The following ARHGEF10 variants were observed in gnomAD, a reference collection of about 807,000 sequenced individuals.
ARHGEF10 encodes the protein Rho guanine nucleotide exchange factor (GEF) 10.
Under a neutral mutation model 147.4 loss-of-function variants are expected in ARHGEF10, and 140 were observed. The ratio of observed to expected loss-of-function variants is 0.95; its 90% CI spans 0.83 to 1.09. ARHGEF10 has a LOEUF of 1.09. Among genes scored for constraint, ARHGEF10 ranks in the 50% least tolerant of loss-of-function variants. The pLI is 0.00. For synonymous variants in ARHGEF10, 902 were observed against 695.8 expected, an observed-to-expected ratio of 1.30 and a Z score of -4.67; for missense variants, 2,222 against 1,752.7, an observed-to-expected ratio of 1.27 and a Z score of -4.78.
intron 7 of ARHGEF10, 59 bp from the exon 8 acceptor site, chr8:1,876,512 C>G (rs1348524880): frequency 3.9e-6 from 6 of 1,555,582 alleles, no homozygotes; most frequent in Non-Finnish European, 5.3e-6. Flanking sequence ...CAAACAGGCA[C>G]AAAACAGCCC....
intron 7 of ARHGEF10, chr8:1,869,708 C>T (rs1806928175): frequency 3.7e-6 from 1 of 269,946 alleles, no homozygotes; most frequent in South Asian, 3.9e-5. Context: ...TTGATCCATA[C>T]CTAGGCCGAT....
chr8:1,912,290 C>T (rs1811418997), intron 18 of ARHGEF10, among the ~76,000 whole-genome samples: 2 of 150,892 alleles, frequency 1.3e-5, no homozygotes, highest in Non-Finnish European at 3.0e-5. Flanking sequence ...GGAAGCTCGC[C>T]GTCCCTGCAA....
In ARHGEF10 at chr8:1,833,712, C is replaced by T. The variant is rs79098166; in HGVS notation, c.-48+9599C>T. On this transcript the variant is annotated intron_variant, in intron 1 of 28. Transcript: ENST00000349830. ...CCCTCATGCCCGGCCCAGCTTGTTT[C>T]CTGAACCCTTTCCAGCAAGCATCTC... 8.4e-3 allele frequency among the ~76,000 whole-genome samples: 1,283 copies of T among 152,336 alleles called. 56 individuals are homozygous for T. The East Asian group carries it at 0.14, about 16-fold the overall frequency.
chr8:1,852,167 A>G (rs1215845011), intron 2 of ARHGEF10, among the ~76,000 whole-genome samples: 1 of 152,204 alleles, frequency 6.6e-6, no homozygotes, highest in Non-Finnish European at 1.5e-5. Context: ...CCCAAGTGCA[A>G]TAGCCATGTG....
In ARHGEF10 at chr8:1,958,556, C is replaced by T. The variant is rs570904546; in HGVS notation, c.*1293C>T. On this transcript the variant is annotated 3_prime_UTR_variant, in exon 29 of 29. Transcript: ENST00000349830. ...TATGTTCTAGGTTGCATATATCCCC[C>T]ATGTGAAAGTGATTTCTTCCCAAGC... is the stretch of plus-strand genomic sequence containing the variant. The T allele has an allele frequency of 6.6e-6, 1 of 152,340 alleles. No individual in the cohort carries two copies. The highest frequency in any genetic ancestry group is 1.9e-4 in the East Asian group (1 of 5,186). The allele number at this position is 152,340 out of a possible 1,614,324, so 9.4% of individuals were successfully genotyped here.
At chr8:1,876,415 C>T (rs547388095) in intron 7 of ARHGEF10, 156 bp from the exon 8 acceptor site, 2 of 781,696 alleles carry the variant, frequency 2.6e-6, no homozygotes, top group Non-Finnish European at 2.2e-6. Context: ...ACGGTGCCTT[C>T]CATGGAGCAA....
At chr8:1,913,376 A>T (rs1244026129) in intron 18 of ARHGEF10, among the ~76,000 whole-genome samples, 1 of 152,234 alleles carries the variant, frequency 6.6e-6, no homozygotes, top group Non-Finnish European at 1.5e-5. Flanking sequence ...GTTTAGAGAA[A>T]TGTGAGTACA....
At chr8:1,874,304 G>C (rs570670128) in intron 7 of ARHGEF10, among the ~76,000 whole-genome samples, 1 of 152,130 alleles carries the variant, frequency 6.6e-6, no homozygotes, top group Non-Finnish European at 1.5e-5. Flanking sequence ...CTAAGTAAAG[G>C]CGTCCAAACG....
chr8:1,911,969 T>C (rs193297170), intron 18 of ARHGEF10, among the ~76,000 whole-genome samples: 1 of 152,238 alleles, frequency 6.6e-6, no homozygotes, highest in African/African-American at 2.4e-5. Context: ...GAAATTCTCA[T>C]TCTCAGTCGA....
chr8:1,826,737 C>T (rs1229178634), intron 1 of ARHGEF10, among the ~76,000 whole-genome samples: 1 of 152,204 alleles, frequency 6.6e-6, no homozygotes, highest in East Asian at 1.9e-4. Context: ...GTAGGCCCGT[C>T]ATTGTTTACT....
At chr8:1,939,556 A>G (rs1813909387) in intron 26 of ARHGEF10, among the ~76,000 whole-genome samples, 2 of 152,242 alleles carry the variant, frequency 1.3e-5, no homozygotes, top group Admixed American at 6.5e-5. Flanking sequence ...CGGCAGCAGC[A>G]AAGCGTCAAG....
intron 11 of ARHGEF10, among the ~76,000 whole-genome samples, chr8:1,889,745 TTGAGTGGGATGAGGGTTGTGAGGAGACAC>T (rs374393942): frequency 0.015 from 750 of 51,688 alleles, 95 homozygotes; most frequent in African/African-American, 0.054. Flanking sequence ...CGAGGAGACA[TTGAGTGGGATGAGGGTTGTGAGGAGACAC>T]TGAGTGGGGT....
At position 1,890,245 on chromosome 8, in the gene ARHGEF10, G is replaced by A. The variant is rs73542932; in HGVS notation, c.1183-3324G>A. 2.3e-3 allele frequency among the ~76,000 whole-genome samples: 296 copies of A among 130,952 alleles called. 1 individual carries two copies. The highest frequency in any genetic ancestry group is 5.8e-3 in the African/African-American group (195 of 33,626). 85.9% of individuals were successfully genotyped at this position (130,952 alleles called of 152,430 possible). A position where few individuals can be genotyped will look rare whatever the true frequency, so the allele number is the denominator to read the frequency against. ...GAGTGGGGTGAGGGTTTGTGAGGAG[G>A]CACTGAGGGTTGTGGATTGTGAGGA... On this transcript the variant is annotated intron_variant, in intron 11 of 28. Coordinates refer to ENST00000349830, the MANE Select transcript of ARHGEF10 (RefSeq NM_014629.4).
rs774853645 is a variant in ARHGEF10 at position 1,885,606 on chromosome 8, A to T, written c.1081A>T (p.Arg361Ter). ...ATTTTGACTTTTTTTTTAAGATCACAGATCTTCTCTTGAGGAAGAACAGAA... is the reference window on the plus strand; with the variant it reads ...ATTTTGACTTTTTTTTTAAGATCACTGATCTTCTCTTGAGGAAGAACAGAA... ...RTKSLIAQDH[R>*]SSLEEEQNLF... The change falls in exon 11 of 29, where the codon AGA (arginine) becomes TGA (stop). Residue 361 changes from arginine (R) to a stop codon, truncating the protein, a stop_gained. Coordinates refer to ENST00000349830, the MANE Select transcript of ARHGEF10 (RefSeq NM_014629.4). LOFTEE classifies it high-confidence loss of function. 2.0e-5 allele frequency: 32 copies of T among 1,610,898 alleles called. No homozygotes were observed. In the South Asian group the frequency reaches 3.4e-4, roughly 17 times the overall value.
At chr8:1,912,762 A>G (rs188422615) in intron 18 of ARHGEF10, among the ~76,000 whole-genome samples, 2 of 152,102 alleles carry the variant, frequency 1.3e-5, no homozygotes, top group East Asian at 1.9e-4. Context: ...CTATGGATCC[A>G]TGGATTGGTT....
chr8:1,893,700 T>C, intron 12 of ARHGEF10, 54 bp downstream of exon 12: 2 of 1,343,510 alleles, frequency 1.5e-6, no homozygotes, highest in Non-Finnish European at 2.1e-6. Flanking sequence ...CTTTTTTACC[T>C]ATATACATTT....
In ARHGEF10 at chr8:1,909,377, G is replaced by T. The variant is rs764620249; in HGVS notation, c.2050G>T (p.Glu684Ter). The T allele has an allele frequency of 6.2e-7, 1 of 1,614,166 alleles. No homozygotes were observed. Among genetic ancestry groups the T allele is most frequent in the Non-Finnish European group, 8.5e-7 (1 of 1,180,038 alleles). ...SVPLGHVDAI[E>*]YGSSAGTGEH... The stretch of plus-strand genomic sequence containing the variant: ...TCCACTGGGACATGTGGACGCCATC[G>T]AGTATGGCAGCAGCGCAGGCACGGG... Residue 684 changes from glutamate (E) to a stop codon, truncating the protein, a stop_gained, in exon 18 of 29, where the codon GAG becomes TAG. Coordinates refer to ENST00000349830, the MANE Select transcript of ARHGEF10 (RefSeq NM_014629.4). LOFTEE classifies it high-confidence loss of function.
At chr8:1,901,936 A>C (rs1441772802) in intron 15 of ARHGEF10, among the ~76,000 whole-genome samples, 1 of 152,128 alleles carries the variant, frequency 6.6e-6, no homozygotes, top group Non-Finnish European at 1.5e-5. Flanking sequence ...TTCCATGACT[A>C]CTAATATTCC....
chr8:1,859,033 G>C (rs1395184987), intron 3 of ARHGEF10, among the ~76,000 whole-genome samples: 2 of 150,610 alleles, frequency 1.3e-5, no homozygotes, highest in Non-Finnish European at 3.0e-5. Flanking sequence ...TGTTTGCCCG[G>C]TGTTTCTTTG....
Sources: gnomAD v4.1 joint callset for allele counts (sites outside exome capture counted in the v4.1 genomes callset) on GRCh38, gnomAD v4.1.1 for gene constraint, MANE v1.5 for transcripts, NCBI Gene and HGNC (gene_info 2026-07-23, HGNC 2026-07-21) for gene names.